The following MSRA variants were observed in gnomAD, a reference collection of about 807,000 sequenced individuals.
The protein encoded by MSRA is mitochondrial peptide methionine sulfoxide reductase.
A neutral mutation model predicts 31.3 loss-of-function variants in MSRA; 54 were observed. That is an observed-to-expected ratio of 1.73 (90% CI 1.39 to 2.17). MSRA has a LOEUF of 2.17. Ranked by LOEUF, MSRA falls within the 30% of genes most tolerant of loss-of-function variation. MSRA has a pLI of 0.00. For synonymous variants in MSRA, 169 were observed against 116.5 expected, an observed-to-expected ratio of 1.45 and a Z score of -2.90; for missense variants, 507 against 300.9, an observed-to-expected ratio of 1.69 and a Z score of -5.07.
chr8:10,244,495 C>G (rs1797509450), intron 2 of MSRA, among the ~76,000 whole-genome samples: 1 of 152,158 alleles, frequency 6.6e-6, no homozygotes, highest in African/African-American at 2.4e-5. Context: ...GCCTCCCTTC[C>G]AAACCCTTCT....
At chr8:10,403,111 C>G (rs754642472) in intron 5 of MSRA, among the ~76,000 whole-genome samples, 2 of 152,170 alleles carry the variant, frequency 1.3e-5, no homozygotes, top group Non-Finnish European at 2.9e-5. Flanking sequence ...TCTTGTTTAC[C>G]AGTCCCCACA....
chr8:10,072,446 C>A (rs1004737624), intron 1 of MSRA, among the ~76,000 whole-genome samples: 1 of 152,074 alleles, frequency 6.6e-6, no homozygotes, highest in East Asian at 1.9e-4. Context: ...TGGGTCCTTA[C>A]TCCCTCCCGT....
intron 2 of MSRA, among the ~76,000 whole-genome samples, chr8:10,223,634 G>T (rs1481058147): frequency 6.6e-6 from 1 of 152,184 alleles, no homozygotes; most frequent in Non-Finnish European, 1.5e-5. Flanking sequence ...GTGGTGTAAT[G>T]TATGTGCAAT....
chr8:10,056,214 A>AC (rs1563379500), intron 1 of MSRA, among the ~76,000 whole-genome samples: 9 of 148,714 alleles, frequency 6.1e-5, no homozygotes, highest in Non-Finnish European at 9.0e-5. Context: ...AAAAAAAAAA[A>AC]AAAAAAACCC....
At chr8:10,244,377 T>C (rs903400377) in intron 2 of MSRA, among the ~76,000 whole-genome samples, 3 of 152,170 alleles carry the variant, frequency 2.0e-5, no homozygotes, top group African/African-American at 7.2e-5. Context: ...GTTGTGATTT[T>C]CATCAGATGT....
chr8:10,369,797 G>A (rs747401123), intron 5 of MSRA, among the ~76,000 whole-genome samples: 42 of 152,132 alleles, frequency 2.8e-4, no homozygotes, highest in Non-Finnish European at 1.2e-4. Flanking sequence ...TTTAAAAACA[G>A]TCACAGAAGC....
chr8:10,301,533 G>GA lies in MSRA; in HGVS notation c.337dup (p.Thr113AsnfsTer19), dbSNP rs772668583. ...CGGTTGTACGTTTTGTTTTTTCCAA[G>GA]AAAAAACTGGCCATGCAGAAGTCGT... is the stretch of plus-strand genomic sequence containing the variant. On this transcript the variant is annotated frameshift_variant and splice_region_variant. Coordinates refer to ENST00000317173, the MANE Select transcript of MSRA (RefSeq NM_012331.5). LOFTEE classifies it high-confidence loss of function. The GA allele has an allele frequency of 1.9e-6, 3 of 1,607,002 alleles. No individual in the cohort carries two copies. Among genetic ancestry groups the GA allele is most frequent in the Non-Finnish European group, 2.5e-6 (3 of 1,178,174 alleles).
At chr8:10,258,753 A>G (rs931672983) in intron 3 of MSRA, among the ~76,000 whole-genome samples, 4 of 152,200 alleles carry the variant, frequency 2.6e-5, no homozygotes, top group Non-Finnish European at 4.4e-5. Context: ...TCTTGGCAAA[A>G]CCAGGCTTTC....
intron 5 of MSRA, among the ~76,000 whole-genome samples, chr8:10,381,037 T>C (rs568799279): frequency 6.6e-6 from 1 of 151,984 alleles, no homozygotes; most frequent in South Asian, 2.1e-4. Context: ...GATGGATGGA[T>C]AAATGATGGA....
At chr8:10,076,458 A>C (rs1408922163) in intron 1 of MSRA, among the ~76,000 whole-genome samples, 1 of 152,170 alleles carries the variant, frequency 6.6e-6, no homozygotes, top group African/African-American at 2.4e-5. Context: ...ATGAAGCAGG[A>C]AGGTTGATTA....
At chr8:10,104,973 G>C (rs1399845513) in intron 1 of MSRA, among the ~76,000 whole-genome samples, 2 of 152,168 alleles carry the variant, frequency 1.3e-5, no homozygotes, top group Non-Finnish European at 2.9e-5. Context: ...TAAAATTCTT[G>C]TCAATCTCAT....
intron 5 of MSRA, among the ~76,000 whole-genome samples, chr8:10,423,784 C>T (rs1808959013): frequency 6.6e-6 from 1 of 152,328 alleles, no homozygotes; most frequent in African/African-American, 2.4e-5. Flanking sequence ...TCCCCTTCTC[C>T]CTCCCACCAT....
At chr8:10,399,188 G>C (rs1056502293) in intron 5 of MSRA, among the ~76,000 whole-genome samples, 1 of 152,208 alleles carries the variant, frequency 6.6e-6, no homozygotes, top group Non-Finnish European at 1.5e-5. Flanking sequence ...TACGTGTTGG[G>C]TGCAAAGGTG....
intron 5 of MSRA, among the ~76,000 whole-genome samples, chr8:10,419,038 G>A (rs1389506571): frequency 6.6e-6 from 1 of 152,040 alleles, no homozygotes; most frequent in African/African-American, 2.4e-5. Context: ...CGGCATCCTT[G>A]TGCGCACAAA....
rs1036045526 is a variant in MSRA, at chr8:10,402,605, G to A, written c.544-25543G>A. Among the ~76,000 whole-genome samples the A allele has an allele frequency of 5.3e-5, 8 of 152,346 alleles. No individual in the cohort carries two copies. The South Asian group carries it at 1.7e-3, about 32-fold the overall frequency. On this transcript the variant is annotated intron_variant, in intron 5 of 5. Coordinates refer to ENST00000317173, the MANE Select transcript of MSRA (RefSeq NM_012331.5). ...CACGCATTTCCAACAATGGCTGCTAGCTCGGGGAGAGGGATAGGGAGAGGT... is the reference window on the plus strand; with the variant it reads ...CACGCATTTCCAACAATGGCTGCTAACTCGGGGAGAGGGATAGGGAGAGGT...
At chr8:10,204,528 A>G (rs1297026200) in intron 1 of MSRA, among the ~76,000 whole-genome samples, 1 of 152,238 alleles carries the variant, frequency 6.6e-6, no homozygotes, top group Admixed American at 6.5e-5. Flanking sequence ...AGTATTCAGT[A>G]TAGTCACATG....
intron 5 of MSRA, among the ~76,000 whole-genome samples, chr8:10,366,530 G>A (rs1273583482): frequency 6.6e-6 from 1 of 152,238 alleles, no homozygotes; most frequent in Non-Finnish European, 1.5e-5. Context: ...CTTGATGTGA[G>A]GGTCAGCGAT....
intron 5 of MSRA, among the ~76,000 whole-genome samples, chr8:10,359,740 A>G (rs529956933): frequency 6.6e-6 from 1 of 151,898 alleles, no homozygotes; most frequent in South Asian, 2.1e-4. Context: ...ATGGAGGACG[A>G]TCTCAGATGG....
intron 3 of MSRA, among the ~76,000 whole-genome samples, chr8:10,281,479 C>T (rs900850310): frequency 1.3e-5 from 2 of 152,160 alleles, no homozygotes; most frequent in East Asian, 1.9e-4. Context: ...CTTGACAATG[C>T]GGCGGTGCTT....
Sources: allele counts gnomAD v4.1 joint callset (sites outside exome capture counted in the v4.1 genomes callset), GRCh38; gene constraint gnomAD v4.1.1; transcripts MANE v1.5; gene names NCBI Gene and HGNC (gene_info 2026-07-23, HGNC 2026-07-21).